Variants in SLC38A4 observed in about 807,000 individuals in gnomAD.
The protein encoded by SLC38A4 is solute carrier family 38 member 4, also known as sodium-coupled neutral amino acid transporter 4.
SLC38A4 carries 20 observed loss-of-function variants against 63.1 expected under a neutral mutation model. The ratio of observed to expected loss-of-function variants is 0.32; its 90% CI spans 0.22 to 0.46. SLC38A4 has a LOEUF of 0.46. Ranked by LOEUF, SLC38A4 falls within the 20% of genes least tolerant of loss-of-function variation. The pLI is 1.00. For missense variants in SLC38A4, 526 were observed against 663.6 expected (o/e 0.79, Z 2.28); for synonymous variants, 230 against 225.5 (o/e 1.02, Z -0.18).
intron 1 of SLC38A4, among the ~76,000 whole-genome samples, chr12:46,818,374 T>C (rs1294614824): frequency 1.3e-5 from 2 of 151,870 alleles, no homozygotes; most frequent in African/African-American, 4.8e-5. Context: ...TTAAATATTA[T>C]TTATATGCTG....
At chr12:46,776,799 T>C (rs1353808583) in intron 13 of SLC38A4, 105 bp downstream of exon 13, 3 of 886,752 alleles carry the variant, frequency 3.4e-6, no homozygotes, top group Non-Finnish European at 5.7e-6. Context: ...GTGTCATCTA[T>C]AGAGCATGCT....
chr12:46,766,826 A>G (rs975410096), intron 16 of SLC38A4, 24 bp from the exon 17 acceptor site: 3 of 1,512,724 alleles, frequency 2.0e-6, no homozygotes, highest in African/African-American at 2.8e-5. Flanking sequence ...AGACTCTGTT[A>G]GGAGCACAGA....
chr12:46,779,192 G>T (rs1263496084), intron 10 of SLC38A4, among the ~76,000 whole-genome samples: 1 of 151,916 alleles, frequency 6.6e-6, no homozygotes, highest in South Asian at 2.1e-4. Flanking sequence ...GGCCTAGAGA[G>T]GAGGATTTCT....
chr12:46,805,131 G>A (rs1033041746), intron 1 of SLC38A4, among the ~76,000 whole-genome samples: 3 of 152,016 alleles, frequency 2.0e-5, no homozygotes, highest in Non-Finnish European at 2.9e-5. Flanking sequence ...GGAGATAAAT[G>A]TATAGATCGT....
chr12:46,783,699 G>T (rs1013600406), intron 7 of SLC38A4, among the ~76,000 whole-genome samples: 2 of 152,064 alleles, frequency 1.3e-5, no homozygotes, highest in Admixed American at 6.6e-5. Context: ...CTCAGAAACT[G>T]GATGACTGCT....
At chr12:46,775,642 C>T (rs919168755) in intron 13 of SLC38A4, among the ~76,000 whole-genome samples, 2 of 152,016 alleles carry the variant, frequency 1.3e-5, no homozygotes, top group African/African-American at 4.8e-5. Context: ...AGCTCAACAA[C>T]TATGACTCCA....
chr12:46,830,877 C>T (rs1939722752), upstream of SLC38A4, among the ~76,000 whole-genome samples: 1 of 152,226 alleles, frequency 6.6e-6, no homozygotes. Context: ...GCCAACCTGT[C>T]CCGGCCCTAG....
intron 1 of SLC38A4, among the ~76,000 whole-genome samples, chr12:46,822,128 G>A (rs1264521923): frequency 6.6e-6 from 1 of 152,050 alleles, no homozygotes; most frequent in African/African-American, 2.4e-5. Flanking sequence ...CATATGAAAT[G>A]TGCATGTATG....
At chr12:46,782,506 TA>T (rs1938664454) in intron 7 of SLC38A4, among the ~76,000 whole-genome samples, 1 of 152,034 alleles carries the variant, frequency 6.6e-6, no homozygotes, top group East Asian at 1.9e-4. Context: ...GAATTAGGCA[TA>T]GGGGAAAACC....
chr12:46,788,508 G>A lies in SLC38A4; in HGVS notation c.210+20C>T. ...ACACCCTCAGTCCCGTTTATTGCCT[G>A]AAAGCATAGATTCACTTACGTGTTC... On this transcript the variant is annotated intron_variant, in intron 4 of 16. Coordinates refer to ENST00000266579, the MANE Select transcript of SLC38A4 (RefSeq NM_018018.5). 1 of 1,599,772 alleles carries A rather than the reference G, an allele frequency of 6.3e-7. No individual in the cohort carries two copies. Among genetic ancestry groups the A allele is most frequent in the Non-Finnish European group, 8.6e-7 (1 of 1,168,152 alleles).
intron 3 of SLC38A4, among the ~76,000 whole-genome samples, chr12:46,789,005 A>T (rs889821129): frequency 6.6e-6 from 1 of 152,128 alleles, no homozygotes; most frequent in African/African-American, 2.4e-5. Context: ...TAATCAGATG[A>T]TTTTATTAAT....
chr12:46,789,702 G>A (rs1938840978), intron 3 of SLC38A4, among the ~76,000 whole-genome samples: 2 of 152,134 alleles, frequency 1.3e-5, no homozygotes. Flanking sequence ...CTTTCAAATT[G>A]AGGGTTTGAA....
rs1938817526 is a variant in SLC38A4 at position 46,788,725 on chromosome 12, TAAG to T, written c.120-110_120-108del. The T allele has an allele frequency of 6.2e-6, 6 of 971,664 alleles. No individual in the cohort carries two copies. In the African/African-American group the frequency reaches 6.5e-5, roughly 11 times the overall value. The allele number at this position is 971,664 out of a possible 1,614,324, so 60.2% of individuals were successfully genotyped here. A position where few individuals can be genotyped will look rare whatever the true frequency, so the allele number is the denominator to read the frequency against. On this transcript the variant is annotated intron_variant, in intron 3 of 16. Coordinates refer to ENST00000266579, the MANE Select transcript of SLC38A4 (RefSeq NM_018018.5). ...AGTAACTGAATCAGAGGAGGGGAAA[TAAG>T]ACACCCCAATTTTCTTTTCCTCCTT...
At chr12:46,769,671 C>T (rs1361185890) in intron 14 of SLC38A4, among the ~76,000 whole-genome samples, 3 of 151,900 alleles carry the variant, frequency 2.0e-5, no homozygotes, top group Non-Finnish European at 2.9e-5. Context: ...AACAACAGAC[C>T]ACATATAAGA....
chr12:46,800,835 AATAG>A (rs1350935157), intron 2 of SLC38A4, among the ~76,000 whole-genome samples: 3 of 152,140 alleles, frequency 2.0e-5, no homozygotes, highest in Non-Finnish European at 2.9e-5. Context: ...GTGTTATAGT[AATAG>A]ATAGAGGTAT....
chr12:46,784,476 G>C, intron 7 of SLC38A4, 66 bp downstream of exon 7: 1 of 1,282,532 alleles, frequency 7.8e-7, no homozygotes, highest in Non-Finnish European at 1.1e-6. Context: ...ATTGCCATAA[G>C]TTTTCTTATT....
At chr12:46,769,015 A>C (rs953670404) in intron 15 of SLC38A4, among the ~76,000 whole-genome samples, 1 of 152,074 alleles carries the variant, frequency 6.6e-6, no homozygotes, top group Non-Finnish European at 1.5e-5. Context: ...CTGGGTCCAC[A>C]CCAAGGTATA....
chr12:46,782,794 T>C (rs180428), intron 7 of SLC38A4, among the ~76,000 whole-genome samples: 52,228 of 149,884 alleles, frequency 0.35, 9,838 homozygotes, highest in Middle Eastern at 0.55. Flanking sequence ...ATGAAAAAAT[T>C]AGACAAAGGA....
chr12:46,769,023 A>C (rs763119362), intron 15 of SLC38A4, among the ~76,000 whole-genome samples: 1 of 152,136 alleles, frequency 6.6e-6, no homozygotes, highest in Non-Finnish European at 1.5e-5. Context: ...ACACCAAGGT[A>C]TATGACTTGA....
Sources: gnomAD v4.1 joint callset for allele counts (sites outside exome capture counted in the v4.1 genomes callset) on GRCh38, gnomAD v4.1.1 for gene constraint, MANE v1.5 for transcripts, NCBI Gene and HGNC (gene_info 2026-07-23, HGNC 2026-07-21) for gene names.